SORCS3: variants seen among roughly 807,000 people sequenced by gnomAD.
SORCS3 encodes the protein sortilin related VPS10 domain containing receptor 3.
SORCS3 carries 57 observed loss-of-function variants against 146.3 expected under a neutral mutation model. The observed-to-expected ratio is 0.39, with a 90% CI of 0.31 to 0.49. The LOEUF (loss-of-function observed/expected upper bound fraction) is 0.49, where lower values mean the gene tolerates loss of function less well. Among genes scored for constraint, SORCS3 ranks in the 20% least tolerant of loss-of-function variants. The probability of loss-of-function intolerance (pLI) is 0.92; values close to 1 mark genes in which losing one functional copy is unlikely to be tolerated. For missense variants in SORCS3, 1,341 were observed against 1,575.5 expected (o/e 0.85, Z 2.52); for synonymous variants, 653 against 618.5 (o/e 1.06, Z -0.83).
intron 5 of SORCS3, among the ~76,000 whole-genome samples, chr10:105,053,972 A>G (rs950702442): frequency 6.6e-6 from 1 of 152,118 alleles, no homozygotes; most frequent in South Asian, 2.1e-4. Flanking sequence ...TACAACTAAA[A>G]TACCATTTCA....
rs1163143879 is a variant in SORCS3, at chr10:104,977,384, C to T, written c.845C>T (p.Ser282Leu). 1 of 1,613,836 alleles carries T rather than the reference C, an allele frequency of 6.2e-7. No homozygotes were observed. Among genetic ancestry groups the T allele is most frequent in the South Asian group, 1.1e-5 (1 of 91,064 alleles). The change falls in exon 4 of 27, where the codon TCA (serine) becomes TTA (leucine). Residue 282 changes from serine to leucine, a missense_variant. By Grantham distance (145) the Ser-to-Leu change is moderately radical. Coordinates refer to ENST00000369701, the MANE Select transcript of SORCS3 (RefSeq NM_014978.3). ...ATGGAGAGCAGCATATTGATCAGCTCAGACGAAGGGGCGACCTATCAGAAG... is the reference window on the plus strand; with the variant it reads ...ATGGAGAGCAGCATATTGATCAGCTTAGACGAAGGGGCGACCTATCAGAAG... ...PEMESSILIS[S>L]DEGATYQKYR...
chr10:104,882,489 A>C (rs2018641242), intron 2 of SORCS3, among the ~76,000 whole-genome samples: 1 of 152,156 alleles, frequency 6.6e-6, no homozygotes, highest in Admixed American at 6.5e-5. Context: ...AATTCTGATA[A>C]ATATAGTCTC....
chr10:104,657,696 T>G (rs776802412), intron 1 of SORCS3, among the ~76,000 whole-genome samples: 1 of 152,108 alleles, frequency 6.6e-6, no homozygotes, highest in African/African-American at 2.4e-5. Context: ...AATCCTCAGT[T>G]CCCTCAATAG....
intron 6 of SORCS3, among the ~76,000 whole-genome samples, chr10:105,092,423 T>C (rs1564751831): frequency 6.6e-6 from 1 of 152,340 alleles, no homozygotes; most frequent in East Asian, 1.9e-4. Flanking sequence ...TTAAAATCAA[T>C]TTTTAATAGC....
intron 22 of SORCS3, among the ~76,000 whole-genome samples, chr10:105,248,462 A>G (rs2056880125): frequency 6.6e-6 from 1 of 152,160 alleles, no homozygotes; most frequent in Non-Finnish European, 1.5e-5. Flanking sequence ...TAAAGAGTAC[A>G]GCACACTTTG....
chr10:104,759,246 G>A (rs1291331282), intron 1 of SORCS3, among the ~76,000 whole-genome samples: 1 of 152,172 alleles, frequency 6.6e-6, no homozygotes. Flanking sequence ...TTTATTAAAA[G>A]ATAATCCCTT....
chr10:104,825,936 A>G (rs1271763757), intron 1 of SORCS3, among the ~76,000 whole-genome samples: 1 of 152,064 alleles, frequency 6.6e-6, no homozygotes, highest in African/African-American at 2.4e-5. Flanking sequence ...CATTTCCTTG[A>G]TTTGTCACTT....
At chr10:104,960,806 G>T (rs1419450218) in intron 3 of SORCS3, among the ~76,000 whole-genome samples, 1 of 152,074 alleles carries the variant, frequency 6.6e-6, no homozygotes, top group African/African-American at 2.4e-5. Context: ...AGAATTTAAG[G>T]TCCAATGGAA....
At chr10:105,135,626 T>G (rs1350898416) in intron 7 of SORCS3, among the ~76,000 whole-genome samples, 2 of 152,176 alleles carry the variant, frequency 1.3e-5, no homozygotes, top group African/African-American at 2.4e-5. Flanking sequence ...TCTTCTTGCG[T>G]TTTACTATAA....
At position 104,925,004 on chromosome 10, in the gene SORCS3, C is replaced by T. The variant is rs1379288853; in HGVS notation, c.795+9072C>T. 5.9e-5 allele frequency among the ~76,000 whole-genome samples: 9 copies of T among 152,142 alleles called. No individual in the cohort carries two copies. In the East Asian group the frequency reaches 1.5e-3, roughly 26 times the overall value. On this transcript the variant is annotated intron_variant, in intron 3 of 26. Coordinates refer to ENST00000369701, the MANE Select transcript of SORCS3 (RefSeq NM_014978.3). ...CATGGTGATTTGCTGTACCTATCAA[C>T]CCGTCATCTAGGTTTTAAGCCCTGG... is the stretch of plus-strand genomic sequence containing the variant.
intron 1 of SORCS3, among the ~76,000 whole-genome samples, chr10:104,815,230 C>T (rs1047042108): frequency 6.6e-6 from 1 of 152,082 alleles, no homozygotes; most frequent in African/African-American, 2.4e-5. Context: ...GAGACCGAGG[C>T]CAGTGGATCC....
At chr10:105,145,016 C>T (rs2056121296) in intron 8 of SORCS3, among the ~76,000 whole-genome samples, 1 of 152,064 alleles carries the variant, frequency 6.6e-6, no homozygotes, top group Non-Finnish European at 1.5e-5. Context: ...AGGGCTTGTT[C>T]AGATGGAAGA....
intron 1 of SORCS3, among the ~76,000 whole-genome samples, chr10:104,714,358 T>A (rs1392287701): frequency 1.3e-5 from 2 of 152,166 alleles, no homozygotes; most frequent in Non-Finnish European, 2.9e-5. Flanking sequence ...TCATTGATTT[T>A]ATAGCTTTCT....
At chr10:104,900,716 C>G (rs1217150227) in intron 2 of SORCS3, among the ~76,000 whole-genome samples, 2 of 151,976 alleles carry the variant, frequency 1.3e-5, no homozygotes, top group African/African-American at 2.4e-5. Context: ...TGGTGAAACC[C>G]CGTCTCTACT....
intron 13 of SORCS3, among the ~76,000 whole-genome samples, chr10:105,173,406 C>G (rs995920158): frequency 6.6e-6 from 1 of 152,160 alleles, no homozygotes; most frequent in African/African-American, 2.4e-5. Context: ...AACACTCCCC[C>G]AAATCAATAT....
intron 2 of SORCS3, among the ~76,000 whole-genome samples, chr10:104,863,703 G>C (rs1365879454): frequency 6.6e-6 from 1 of 152,176 alleles, no homozygotes; most frequent in Non-Finnish European, 1.5e-5. Context: ...CAAGCATCAG[G>C]TAGCTTCATA....
chr10:105,215,295 T>C (rs1176661766), intron 18 of SORCS3, among the ~76,000 whole-genome samples: 2 of 152,232 alleles, frequency 1.3e-5, no homozygotes, highest in African/African-American at 2.4e-5. Context: ...TTTTAGGCAC[T>C]CTTTGCTGAG....
intron 3 of SORCS3, among the ~76,000 whole-genome samples, chr10:104,965,895 G>A (rs1336496265): frequency 6.6e-6 from 1 of 152,068 alleles, no homozygotes; most frequent in East Asian, 1.9e-4. Flanking sequence ...TAATGGATTA[G>A]GGTGGAAAGG....
chr10:104,662,763 A>G (rs760890341), intron 1 of SORCS3, among the ~76,000 whole-genome samples: 6 of 152,210 alleles, frequency 3.9e-5, no homozygotes, highest in Non-Finnish European at 7.3e-5. Context: ...GAGAAGTAAT[A>G]GGGTGTTTTT....
Sources: allele counts gnomAD v4.1 joint callset (sites outside exome capture counted in the v4.1 genomes callset), GRCh38; gene constraint gnomAD v4.1.1; transcripts MANE v1.5; gene names NCBI Gene and HGNC (gene_info 2026-07-23, HGNC 2026-07-21).